The following KHDRBS2 variants were observed in gnomAD, a reference collection of about 807,000 sequenced individuals.
KHDRBS2 encodes the protein KH domain-containing, RNA-binding, signal transduction-associated protein 2.
KHDRBS2 carries 26 observed loss-of-function variants against 44.3 expected under a neutral mutation model. The ratio of observed to expected loss-of-function variants is 0.59; its 90% CI spans 0.43 to 0.81. The LOEUF is 0.81. Among genes scored for constraint, KHDRBS2 ranks in the 40% least tolerant of loss-of-function variants. KHDRBS2 has a pLI of 0.00. For synonymous variants in KHDRBS2, 194 were observed against 151.1 expected, an observed-to-expected ratio of 1.28 and a Z score of -2.08; for missense variants, 476 against 433.1, an observed-to-expected ratio of 1.10 and a Z score of -0.88.
chr6:61,848,508 T>TATATATATATATATATAC (rs1794832572), intron 6 of KHDRBS2, among the ~76,000 whole-genome samples: 1 of 53,678 alleles, frequency 1.9e-5, no homozygotes, highest in Non-Finnish European at 3.3e-5. Flanking sequence ...TATATATATA[T>TATATATATATATATATAC]ATGTATATAT....
chr6:61,861,067 T>G (rs1223290511), intron 6 of KHDRBS2, among the ~76,000 whole-genome samples: 1 of 152,086 alleles, frequency 6.6e-6, no homozygotes, highest in Non-Finnish European at 1.5e-5. Context: ...TGAGGTTGTT[T>G]TTTTCTTTTA....
chr6:61,549,189 A>G, the KHDRBS2 span, among the ~76,000 whole-genome samples: 1 of 152,182 alleles, frequency 6.6e-6, no homozygotes, highest in Non-Finnish European at 1.5e-5. Flanking sequence ...TGGAAAAACC[A>G]TAAAGTATGA....
chr6:61,775,190 G>T (rs997662822), intron 6 of KHDRBS2, among the ~76,000 whole-genome samples: 1 of 152,074 alleles, frequency 6.6e-6, no homozygotes, highest in African/African-American at 2.4e-5. Context: ...ATATCATACT[G>T]AATGGGCAAA....
chr6:62,077,641 C>T (rs1427610732), intron 2 of KHDRBS2, among the ~76,000 whole-genome samples: 2 of 151,966 alleles, frequency 1.3e-5, no homozygotes, highest in Non-Finnish European at 2.9e-5. Context: ...GGTGCCACCC[C>T]TTGGAGAAAA....
intron 2 of KHDRBS2, among the ~76,000 whole-genome samples, chr6:62,173,498 T>C (rs1820485189): frequency 6.6e-6 from 1 of 152,074 alleles, no homozygotes; most frequent in Non-Finnish European, 1.5e-5. Flanking sequence ...ATCCAGATTT[T>C]ACCAGATGTA....
intron 2 of KHDRBS2, among the ~76,000 whole-genome samples, chr6:62,053,228 T>A (rs2127315570): frequency 6.6e-6 from 1 of 152,072 alleles, no homozygotes; most frequent in Non-Finnish European, 1.5e-5. Context: ...TTATAGGAAA[T>A]GTATCATTCC....
At chr6:61,985,096 T>G (rs1774791443) in intron 3 of KHDRBS2, among the ~76,000 whole-genome samples, 1 of 152,164 alleles carries the variant, frequency 6.6e-6, no homozygotes, top group African/African-American at 2.4e-5. Context: ...GGCAGTTGCA[T>G]AGGTTCTGAT....
intron 2 of KHDRBS2, among the ~76,000 whole-genome samples, chr6:62,121,385 C>T (rs1807598830): frequency 6.6e-6 from 1 of 152,196 alleles, no homozygotes; most frequent in Admixed American, 6.5e-5. Flanking sequence ...TTCGACTCTC[C>T]TATTTGTCCT....
chr6:61,993,511 T>A (rs1396909080), intron 3 of KHDRBS2, among the ~76,000 whole-genome samples: 1 of 150,996 alleles, frequency 6.6e-6, no homozygotes, highest in African/African-American at 2.4e-5. Flanking sequence ...TCTGAGCATA[T>A]CCCCCTCCCC....
downstream of KHDRBS2, among the ~76,000 whole-genome samples, chr6:61,676,673 T>C (rs1474999492): frequency 1.3e-5 from 2 of 151,880 alleles, no homozygotes; most frequent in Admixed American, 6.6e-5. Context: ...TAGATACTTC[T>C]ACAGGATTGC....
intron 2 of KHDRBS2, among the ~76,000 whole-genome samples, chr6:62,166,583 T>C (rs1046458153): frequency 1.3e-4 from 20 of 152,084 alleles, no homozygotes; most frequent in Non-Finnish European, 4.4e-5. Flanking sequence ...ATCCCTTATC[T>C]ACATGTTTCT....
At chr6:61,955,078 G>A (rs1378594614) in intron 4 of KHDRBS2, among the ~76,000 whole-genome samples, 3 of 138,704 alleles carry the variant, frequency 2.2e-5, no homozygotes, top group African/African-American at 7.8e-5. Context: ...ATATACGTGT[G>A]TATGTATGCA....
intron 2 of KHDRBS2, among the ~76,000 whole-genome samples, chr6:62,066,667 C>G (rs976961022): frequency 1.3e-5 from 2 of 151,516 alleles, no homozygotes; most frequent in African/African-American, 2.4e-5. Context: ...TTGATAAGGA[C>G]AAATTAATCC....
intron 1 of KHDRBS2, among the ~76,000 whole-genome samples, chr6:62,265,796 A>G (rs550386870): frequency 6.6e-6 from 1 of 152,132 alleles, no homozygotes; most frequent in African/African-American, 2.4e-5. Context: ...TTGAAACCAA[A>G]AGAAAAGATT....
At chr6:61,842,933 A>ATAGATTACAGATAGATAATCTATCTGTG (rs1793804527) in intron 6 of KHDRBS2, among the ~76,000 whole-genome samples, 1 of 151,906 alleles carries the variant, frequency 6.6e-6, no homozygotes, top group Non-Finnish European at 1.5e-5. Flanking sequence ...AACTATCTGT[A>ATAGATTACAGATAGATAATCTATCTGTG]TAGATTACAG....
chr6:62,259,773 T>C (rs1838029991), intron 1 of KHDRBS2, among the ~76,000 whole-genome samples: 1 of 151,998 alleles, frequency 6.6e-6, no homozygotes, highest in African/African-American at 2.4e-5. Flanking sequence ...ACCCACCATA[T>C]TCATTGCCAC....
intron 3 of KHDRBS2, 106 bp from the exon 4 acceptor site, chr6:61,978,318 A>G: frequency 1.3e-6 from 1 of 777,476 alleles, no homozygotes; most frequent in East Asian, 3.1e-5. Flanking sequence ...ATTTTCCATA[A>G]TTTGCTTCCA....
At chr6:61,776,927 G>T (rs1481654560) in intron 6 of KHDRBS2, among the ~76,000 whole-genome samples, 1 of 152,112 alleles carries the variant, frequency 6.6e-6, no homozygotes, top group Admixed American at 6.5e-5. Flanking sequence ...AGAAAATGTG[G>T]CACATATACA....
the KHDRBS2 span, among the ~76,000 whole-genome samples, chr6:61,662,291 A>C: frequency 1.3e-5 from 2 of 152,136 alleles, no homozygotes; most frequent in African/African-American, 4.8e-5. Flanking sequence ...AAACCATAAA[A>C]ACCCTAGAAG....
Sources: allele counts gnomAD v4.1 joint callset (sites outside exome capture counted in the v4.1 genomes callset), GRCh38; gene constraint gnomAD v4.1.1; transcripts MANE v1.5; gene names NCBI Gene and HGNC (gene_info 2026-07-23, HGNC 2026-07-21).